LILRA2: variants seen among roughly 807,000 people sequenced by gnomAD.
LILRA2 encodes leukocyte immunoglobulin-like receptor subfamily A member 2.
Under a neutral mutation model 47.9 loss-of-function variants are expected in LILRA2, and 45 were observed. The ratio of observed to expected loss-of-function variants is 0.94; its 90% CI spans 0.74 to 1.20. The LOEUF (loss-of-function observed/expected upper bound fraction) is 1.20. LILRA2 is among the 50% of genes most tolerant of loss of function. LILRA2 has a pLI of 0.00. For missense variants in LILRA2, 651 were observed against 598.2 expected (o/e 1.09, Z -0.92); for synonymous variants, 279 against 249.2 (o/e 1.12, Z -1.13).
In LILRA2 at chr19:54,587,210, G is replaced by C. The variant is rs549778374; in HGVS notation, c.1316G>C (p.Gly439Ala). 5,206 of 1,608,486 alleles carry C rather than the reference G, an allele frequency of 3.2e-3. No individual in the cohort carries two copies. The South Asian group carries it at 0.044, about 14-fold the overall frequency. ...TGACCTCTTTGTCCAGCATCCCTAG[G>C]CCAACACCCCCAGGATTACACAGTG... ...NKTDSTTTSL[G>A]QHPQDYTVEN... The change falls in exon 8 of 8, where the codon GGC becomes GCC. Residue 439 changes from glycine to alanine, a missense_variant. Transcript: ENST00000391738.
chr19:54,574,635 T>A, intron 3 of LILRA2, 53 bp downstream of exon 3: 1 of 1,604,778 alleles, frequency 6.2e-7, no homozygotes. Context: ...AGGAAGGGGG[T>A]CGGCTCTCAG....
intron 5 of LILRA2, 62 bp downstream of exon 5, chr19:54,575,614 C>T: frequency 6.3e-7 from 1 of 1,591,898 alleles, no homozygotes; most frequent in Non-Finnish European, 8.6e-7. Flanking sequence ...CCAGGGGAGC[C>T]CAGGTGGTGA....
chr19:54,583,819 G>A (rs894510266), intron 6 of LILRA2, among the ~76,000 whole-genome samples: 1 of 152,116 alleles, frequency 6.6e-6, no homozygotes, highest in Non-Finnish European at 1.5e-5. Flanking sequence ...TCATTATGAT[G>A]TTAGCTGGTT....
chr19:54,573,589 G>T (rs73612407), upstream of LILRA2: 5,989 of 754,200 alleles, frequency 7.9e-3, 210 homozygotes, highest in African/African-American at 0.082. Flanking sequence ...CTACATCCCA[G>T]GTCTCAAGGA....
chr19:54,577,784 A>C, intron 6 of LILRA2: 3 of 1,064,988 alleles, frequency 2.8e-6, no homozygotes, highest in Non-Finnish European at 2.3e-6. Context: ...TTCTGTATGC[A>C]CTTGTCCTTT....
chr19:54,580,185 C>T (rs1412658948), intron 6 of LILRA2, among the ~76,000 whole-genome samples: 10 of 143,534 alleles, frequency 7.0e-5, no homozygotes, highest in South Asian at 2.2e-4. Context: ...TGTCTTGTGC[C>T]GGTTTTCTTT....
chr19:54,573,762 CA>C, upstream of LILRA2: 1 of 1,593,412 alleles, frequency 6.3e-7, no homozygotes, highest in African/African-American at 1.3e-5. Flanking sequence ...TTGCACATAA[CA>C]AAACCCCATG....
rs1337077673 is a variant in LILRA2 at position 54,574,392 on chromosome 19, G to A, written c.162G>A (p.Gln54=). The change falls in exon 3 of 8, where the codon CAG becomes CAA. Residue 54 remains glutamine, a synonymous_variant. Coordinates refer to ENST00000391738, the MANE Select transcript of LILRA2 (RefSeq NM_001130917.3). ...PVTLRCQGSL[Q]AEEYHLYREN... ...CCCTCAGGTGTCAGGGGAGCCTTCA[G>A]GCTGAGGAGTACCATCTATATAGGG... 2 of 1,515,200 alleles carry A rather than the reference G, an allele frequency of 1.3e-6. No individual in the cohort carries two copies. The highest frequency in any genetic ancestry group is 3.5e-5 in the Admixed American group (2 of 56,574). 93.9% of individuals were successfully genotyped at this position (1,515,200 alleles called of 1,614,324 possible).
At position 54,587,330 on chromosome 19, in the gene LILRA2, A is replaced by C. The variant is rs749018669; in HGVS notation, c.1436A>C (p.Asp479Ala). 1.9e-6 allele frequency: 3 copies of C among 1,614,158 alleles called. No individual in the cohort carries two copies. The highest frequency in any genetic ancestry group is 2.5e-6 in the Non-Finnish European group (3 of 1,180,030). Residue 479 changes from aspartate (D) to alanine (A), a missense_variant, in exon 8 of 8, where the codon GAT (aspartate) becomes GCT (alanine). Coordinates refer to ENST00000391738, the MANE Select transcript of LILRA2 (RefSeq NM_001130917.3). ...EAQHSQRSLQ[D>A]AAGR The stretch of plus-strand genomic sequence containing the variant: ...CAGCACAGCCAGAGAAGCCTACAAG[A>C]TGCAGCCGGGAGGTGAACAGCAGAG...
Position 54,574,012 on chromosome 19 carries a change from C to T in LILRA2, c.35-64C>T, listed in dbSNP as rs2062247549. 6.2e-6 allele frequency: 10 copies of T among 1,613,336 alleles called. No homozygotes were observed. In the East Asian group the frequency reaches 1.3e-4, roughly 22 times the overall value. ...GAGACCCCAGGGGCTCACAAAGATC[C>T]CAGGGAGGGGAGGACCTGCCCAGGC... On this transcript the variant is annotated intron_variant, in intron 1 of 7. Coordinates refer to ENST00000391738, the MANE Select transcript of LILRA2 (RefSeq NM_001130917.3).
In LILRA2 at chr19:54,574,568, A is replaced by T. The variant is rs1171959368; in HGVS notation, c.338A>T (p.Glu113Val). 2 of 1,613,932 alleles carry T rather than the reference A, an allele frequency of 1.2e-6. No homozygotes were observed. Among genetic ancestry groups the T allele is most frequent in the Admixed American group, 1.7e-5 (1 of 60,000 alleles). Reference sequence around the variant, plus strand: ...TCATCAGAGTACAGTGACCCCCTGGAGCTGGTGGTGACAGGTGAGAGGACA... The same window carrying T: ...TCATCAGAGTACAGTGACCCCCTGGTGCTGGTGGTGACAGGTGAGAGGACA... Reference protein sequence around the residue: ...NHSSEYSDPLELVVTGAYSKP... With the variant: ...NHSSEYSDPLVLVVTGAYSKP... The change falls in exon 3 of 8, where the codon GAG (glutamate) becomes GTG (valine). Residue 113 changes from glutamate to valine, a missense_variant. By Grantham distance (121) the Glu-to-Val change is moderately radical. Transcript: ENST00000391738.
At chr19:54,577,809 A>G in intron 6 of LILRA2, 3 of 787,194 alleles carry the variant, frequency 3.8e-6, no homozygotes, top group Non-Finnish European at 4.9e-6. Context: ...CTTTTTTTCT[A>G]AAACTTTTAA....
chr19:54,583,352 G>T (rs1158998791), intron 6 of LILRA2, among the ~76,000 whole-genome samples: 1 of 151,974 alleles, frequency 6.6e-6, no homozygotes, highest in Non-Finnish European at 1.5e-5. Context: ...ATGTGTCATT[G>T]ATCTAATATT....
intron 6 of LILRA2, among the ~76,000 whole-genome samples, chr19:54,582,753 G>A (rs1256249764): frequency 6.6e-6 from 1 of 152,042 alleles, no homozygotes; most frequent in Non-Finnish European, 1.5e-5. Context: ...TTTTTTTGAA[G>A]GGTTTTTTGT....
intron 5 of LILRA2, 23 bp from the exon 6 acceptor site, chr19:54,575,784 T>C: frequency 1.2e-6 from 2 of 1,611,886 alleles, no homozygotes; most frequent in East Asian, 4.5e-5. Flanking sequence ...GGGCAGCCCC[T>C]CACCCATCCT....
rs151154459 is a variant in LILRA2 at position 54,576,001 on chromosome 19, G to C, written c.1147G>C (p.Gly383Arg). ...AQQNQAEFRM[G>R]PVTSAHVGTY... ...GCAGAACCAGGCTGAATTCCGCATG[G>C]GTCCTGTGACCTCAGCCCACGTGGG... Residue 383 changes from glycine (G) to arginine (R), a missense_variant, in exon 6 of 8, where the codon GGT becomes CGT. Transcript: ENST00000391738. 2.5e-6 allele frequency: 4 copies of C among 1,612,866 alleles called. No individual in the cohort carries two copies. In the East Asian group the frequency reaches 6.7e-5, roughly 27 times the overall value.
At chr19:54,578,445 G>A (rs777740362) in intron 6 of LILRA2, among the ~76,000 whole-genome samples, 4 of 152,178 alleles carry the variant, frequency 2.6e-5, no homozygotes, top group Non-Finnish European at 5.9e-5. Flanking sequence ...TCCCTGCAAA[G>A]GACATGAACT....
intron 2 of LILRA2, 57 bp downstream of exon 2, chr19:54,574,168 C>T: frequency 1.2e-6 from 2 of 1,614,210 alleles, no homozygotes; most frequent in Non-Finnish European, 1.7e-6. Context: ...CAAGGGGCCA[C>T]CCCCGTGCAG....
At chr19:54,573,584 T>G, upstream of LILRA2, 1 of 745,850 alleles carries the variant, frequency 1.3e-6, no homozygotes, top group Non-Finnish European at 2.3e-6. Flanking sequence ...TGCTGCTACA[T>G]CCCAGGTCTC....
Sources: allele counts gnomAD v4.1 joint callset (sites outside exome capture counted in the v4.1 genomes callset), GRCh38; gene constraint gnomAD v4.1.1; transcripts MANE v1.5; gene names NCBI Gene and HGNC (gene_info 2026-07-23, HGNC 2026-07-21).